Variants in TMX4 observed in about 807,000 individuals in gnomAD.
The protein encoded by TMX4 is thioredoxin-related transmembrane protein 4.
A neutral mutation model predicts 33.3 loss-of-function variants in TMX4; 23 were observed. The observed-to-expected ratio is 0.69, with a 90% confidence interval of 0.50 to 0.98. TMX4 has a LOEUF of 0.98. TMX4 is among the 50% of genes least tolerant of loss of function. The probability of loss-of-function intolerance (pLI) is 0.00; values close to 1 mark genes in which losing one functional copy is unlikely to be tolerated. For missense variants in TMX4, 399 were observed against 448.9 expected (o/e 0.89, Z 1.01); for synonymous variants, 164 against 161.5 (o/e 1.02, Z -0.12).
intron 2 of TMX4, among the ~76,000 whole-genome samples, chr20:8,004,400 T>A (rs2050719227): frequency 6.6e-6 from 1 of 152,206 alleles, no homozygotes; most frequent in African/African-American, 2.4e-5. Flanking sequence ...AATAGTTCAG[T>A]GCAATAACTT....
chr20:7,997,885 C>T (rs187444089), intron 4 of TMX4, among the ~76,000 whole-genome samples: 47 of 152,192 alleles, frequency 3.1e-4, no homozygotes, highest in African/African-American at 1.1e-3. Context: ...ATCATGGGGG[C>T]GGATTCTCAT....
chr20:8,017,563 C>G (rs548937537), intron 1 of TMX4, among the ~76,000 whole-genome samples: 42 of 152,232 alleles, frequency 2.8e-4, no homozygotes, highest in Non-Finnish European at 8.8e-5. Flanking sequence ...AAAAAAAAAG[C>G]AATTCCAAAA....
intron 1 of TMX4, among the ~76,000 whole-genome samples, chr20:8,011,594 G>T (rs765966113): frequency 2.0e-5 from 3 of 152,022 alleles, no homozygotes; most frequent in Non-Finnish European, 2.9e-5. Context: ...ATGAGTCAGG[G>T]GTTAAAAAGC....
chr20:7,998,945 C>G (rs1451529512), intron 4 of TMX4, among the ~76,000 whole-genome samples: 1 of 152,156 alleles, frequency 6.6e-6, no homozygotes, highest in East Asian at 1.9e-4. Context: ...GAATGTCTGT[C>G]TTGTTCAGTG....
In TMX4 at chr20:8,019,535, G is replaced by T. The variant is rs763926432; in HGVS notation, c.79C>A (p.Pro27Thr). Residue 27 changes from proline (P) to threonine (T), a missense_variant, in exon 1 of 8, where the codon CCC becomes ACC. Transcript: ENST00000246024. The part of the protein sequence containing the change: ...WIAAVAATAG[P>T]EEAALPPEQS... The stretch of plus-strand genomic sequence containing the variant: ...TCCGGCGGCAGCGCGGCCTCCTCGG[G>T]GCCTGCCGTCGCCGCCACAGCCGCG... The T allele has an allele frequency of 4.7e-6, 7 of 1,481,710 alleles. No individual in the cohort carries two copies. The highest frequency in any genetic ancestry group is 2.9e-5 in the African/African-American group (2 of 68,050). 91.8% of individuals were successfully genotyped at this position (1,481,710 alleles called of 1,614,324 possible).
intron 1 of TMX4, chr20:8,019,049 C>G (rs956884458): frequency 2.2e-6 from 1 of 453,220 alleles, no homozygotes; most frequent in African/African-American, 2.1e-5. Flanking sequence ...TCTAAAAGCA[C>G]ACGGTTTGCT....
At chr20:8,019,145 C>G in intron 1 of TMX4, 2 of 481,998 alleles carry the variant, frequency 4.1e-6, no homozygotes, top group Non-Finnish European at 7.6e-6. Context: ...CAAGGGGACG[C>G]GCTGCACCCT....
At chr20:7,984,975 C>T (rs903252788) in intron 6 of TMX4, among the ~76,000 whole-genome samples, 4 of 152,000 alleles carry the variant, frequency 2.6e-5, no homozygotes, top group Non-Finnish European at 5.9e-5. Flanking sequence ...TGGCATGCTA[C>T]GTAAATATTC....
chr20:8,010,022 T>TG (rs2050746385), intron 2 of TMX4, among the ~76,000 whole-genome samples, 178 bp downstream of exon 2: 1 of 152,120 alleles, frequency 6.6e-6, no homozygotes, highest in Non-Finnish European at 1.5e-5. Context: ...AATATGTATG[T>TG]GCAAACACAT....
chr20:8,005,025 G>A (rs2050722857), intron 2 of TMX4, among the ~76,000 whole-genome samples: 1 of 152,120 alleles, frequency 6.6e-6, no homozygotes, highest in East Asian at 1.9e-4. Flanking sequence ...TTGAAATAAG[G>A]TTGTCAACAT....
At chr20:8,019,153 C>T (rs1051660564) in intron 1 of TMX4, 4 of 473,558 alleles carry the variant, frequency 8.4e-6, no homozygotes, top group East Asian at 4.8e-5. Flanking sequence ...CGCGCTGCAC[C>T]CTCGGCTGTC....
At position 7,977,787 on chromosome 20, in the gene TMX4, C is replaced by G. The variant is rs745634766; in HGVS notation, c.*4464G>C. 6.6e-6 allele frequency: 1 copy of G among 152,102 alleles called. No homozygotes were observed. Among genetic ancestry groups the G allele is most frequent in the Admixed American group, 6.5e-5 (1 of 15,278 alleles). The allele number at this position is 152,102 out of a possible 1,614,324, so 9.4% of individuals were successfully genotyped here. ...TCCACAAAGAAGCTAATAACAAATA[C>G]GATTAAACCACTTCAGAAACACGTC... On this transcript the variant is annotated 3_prime_UTR_variant, in exon 8 of 8. Coordinates refer to ENST00000246024, the MANE Select transcript of TMX4 (RefSeq NM_021156.4).
At chr20:7,988,320 A>C (rs2050639223) in intron 5 of TMX4, among the ~76,000 whole-genome samples, 1 of 152,222 alleles carries the variant, frequency 6.6e-6, no homozygotes. Context: ...AGGTTGATGA[A>C]AATGAGTCCA....
rs1393268270 is a variant in TMX4 at position 7,979,169 on chromosome 20, C to T, written c.*3082G>A. The T allele has an allele frequency of 6.6e-6, 1 of 151,742 alleles. No homozygotes were observed. Among genetic ancestry groups the T allele is most frequent in the Non-Finnish European group, 1.5e-5 (1 of 67,988 alleles). 9.4% of individuals were successfully genotyped at this position (151,742 alleles called of 1,614,324 possible). A position where few individuals can be genotyped will look rare whatever the true frequency, so the allele number is the denominator to read the frequency against. On this transcript the variant is annotated 3_prime_UTR_variant, in exon 8 of 8. Coordinates refer to ENST00000246024, the MANE Select transcript of TMX4 (RefSeq NM_021156.4). ...TATCTACAGAAAAAATCCACAAACT[C>T]TTATCGAAATGTTCATATAAAGTTT...
At chr20:8,019,266 A>T (rs72623514) in intron 1 of TMX4, 172 bp downstream of exon 1, 1 of 733,414 alleles carries the variant, frequency 1.4e-6, no homozygotes, top group African/African-American at 1.9e-5. Flanking sequence ...GCCCAGCGGC[A>T]GTGCAGGATC....
At chr20:7,987,525 A>C (rs1293346469) in intron 5 of TMX4, 136 bp from the exon 6 acceptor site, 1 of 554,498 alleles carries the variant, frequency 1.8e-6, no homozygotes, top group Non-Finnish European at 3.0e-6. Flanking sequence ...CTTAAAGAAC[A>C]AGTCAATTTT....
At position 7,977,719 on chromosome 20, in the gene TMX4, T is replaced by C. The variant is rs1293000833; in HGVS notation, c.*4532A>G. ...ATATAAACAACAAATTTATAACATATTGCATTGCAAATAAGCAATGTTTTT... is the reference window on the plus strand; with the variant it reads ...ATATAAACAACAAATTTATAACATACTGCATTGCAAATAAGCAATGTTTTT... On this transcript the variant is annotated 3_prime_UTR_variant, in exon 8 of 8. Coordinates refer to ENST00000246024, the MANE Select transcript of TMX4 (RefSeq NM_021156.4). The C allele has an allele frequency of 6.6e-6, 1 of 152,242 alleles. No individual in the cohort carries two copies. The highest frequency in any genetic ancestry group is 1.5e-5 in the Non-Finnish European group (1 of 68,038). 9.4% of individuals were successfully genotyped at this position (152,242 alleles called of 1,614,324 possible).
chr20:7,986,880 A>G (rs2050633098), intron 6 of TMX4, among the ~76,000 whole-genome samples: 1 of 151,626 alleles, frequency 6.6e-6, no homozygotes. Context: ...AAGAACAACA[A>G]CAACAACAAT....
At chr20:7,990,871 T>C (rs2122857751) in intron 5 of TMX4, among the ~76,000 whole-genome samples, 1 of 152,326 alleles carries the variant, frequency 6.6e-6, no homozygotes, top group East Asian at 1.9e-4. Context: ...CTCTTAGCAC[T>C]TGTAACAAAA....
Sources: allele counts gnomAD v4.1 joint callset (sites outside exome capture counted in the v4.1 genomes callset), GRCh38; gene constraint gnomAD v4.1.1; transcripts MANE v1.5; gene names NCBI Gene and HGNC (gene_info 2026-07-23, HGNC 2026-07-21).